The following U2SURP variants were observed in gnomAD, a reference collection of about 807,000 sequenced individuals.
The protein encoded by U2SURP is U2 snRNP associated SURP domain containing.
Under a neutral mutation model 144.9 loss-of-function variants are expected in U2SURP, and 9 were observed. The observed-to-expected ratio is 0.06, with a 90% confidence interval of 0.04 to 0.11. U2SURP has a LOEUF of 0.11. U2SURP is among the 10% of genes least tolerant of loss of function. U2SURP has a pLI of 1.00. For missense variants in U2SURP, 724 were observed against 1,226.7 expected (o/e 0.59, Z 6.12); for synonymous variants, 408 against 396.8 (o/e 1.03, Z -0.33).
intron 24 of U2SURP, among the ~76,000 whole-genome samples, chr3:143,049,252 T>A (rs1216687463): frequency 1.1e-5 from 1 of 93,728 alleles, no homozygotes; most frequent in Non-Finnish European, 2.0e-5. Flanking sequence ...GGCAACAGAG[T>A]AAGACTCCAT....
At chr3:143,012,796 A>G (rs1046868246) in intron 3 of U2SURP, among the ~76,000 whole-genome samples, 3 of 152,178 alleles carry the variant, frequency 2.0e-5, no homozygotes, top group African/African-American at 4.8e-5. Context: ...AGGGTAATAC[A>G]GGAACACAGA....
chr3:143,053,635 A>G (rs1488219254), intron 25 of U2SURP, 41 bp from the exon 26 acceptor site: 1 of 1,139,946 alleles, frequency 8.8e-7, no homozygotes, highest in African/African-American at 1.6e-5. Context: ...ACCCACATTG[A>G]TATTTTTAAA....
At chr3:143,013,727 T>G (rs946274498) in intron 3 of U2SURP, among the ~76,000 whole-genome samples, 2 of 152,110 alleles carry the variant, frequency 1.3e-5, no homozygotes, top group Non-Finnish European at 2.9e-5. Flanking sequence ...TATTTAAAAT[T>G]GATATAGTTT....
At chr3:143,011,525 T>C (rs1936120204) in intron 2 of U2SURP, among the ~76,000 whole-genome samples, 1 of 152,162 alleles carries the variant, frequency 6.6e-6, no homozygotes, top group Non-Finnish European at 1.5e-5. Context: ...CTAATGCAAG[T>C]GTAGCTGGAG....
At chr3:143,028,705 A>C in intron 16 of U2SURP, 59 bp downstream of exon 16, 1 of 1,410,414 alleles carries the variant, frequency 7.1e-7, no homozygotes, top group Non-Finnish European at 9.6e-7. Context: ...GGTTGCTTTA[A>C]TTAATGGTCT....
chr3:143,021,772 A>G (rs763818413), intron 10 of U2SURP, among the ~76,000 whole-genome samples: 11 of 152,182 alleles, frequency 7.2e-5, no homozygotes, highest in Non-Finnish European at 1.0e-4. Context: ...ATGTTTTACT[A>G]GGTGCTGATT....
intron 1 of U2SURP, among the ~76,000 whole-genome samples, chr3:143,007,434 C>T (rs1191194106): frequency 2.1e-5 from 3 of 140,958 alleles, no homozygotes; most frequent in Non-Finnish European, 4.6e-5. Flanking sequence ...CTTTTGGGTC[C>T]TTTCAAGAGA....
chr3:143,026,284 CAT>C (rs1175993277), intron 13 of U2SURP: 4 of 152,196 alleles, frequency 2.6e-5, no homozygotes, highest in South Asian at 2.1e-4. Flanking sequence ...AAATTACTCA[CAT>C]ATGTTTATTT....
rs1935192055 is a variant in U2SURP, at chr3:143,057,242, A to T, written c.*792A>T. The T allele has an allele frequency of 6.6e-6, 1 of 152,436 alleles. No individual in the cohort carries two copies. The highest frequency in any genetic ancestry group is 1.5e-5 in the Non-Finnish European group (1 of 67,876). The allele number at this position is 152,436 out of a possible 1,614,324, so 9.4% of individuals were successfully genotyped here. The stretch of plus-strand genomic sequence containing the variant: ...ATATCTTTTCATTTCCTCTTCTATT[A>T]TGAAAGAAGTTTATTTGTAAAACAA... On this transcript the variant is annotated 3_prime_UTR_variant, in exon 28 of 28. Transcript: ENST00000473835.
chr3:143,032,053 G>A (rs1360757691), intron 16 of U2SURP, among the ~76,000 whole-genome samples: 1 of 151,888 alleles, frequency 6.6e-6, no homozygotes, highest in Non-Finnish European at 1.5e-5. Context: ...GGCCTGCAAA[G>A]CCTAAAATAT....
chr3:143,027,377 C>A (rs1933214058), intron 14 of U2SURP, 124 bp downstream of exon 14: 1 of 679,602 alleles, frequency 1.5e-6, no homozygotes, highest in South Asian at 2.3e-5. Flanking sequence ...CACCACCATC[C>A]ATCTCCAGAA....
At chr3:143,056,290 A>ATT in intron 27 of U2SURP, 22 bp from the exon 28 acceptor site, 1 of 1,582,308 alleles carries the variant, frequency 6.3e-7, no homozygotes, top group Middle Eastern at 1.8e-4. Flanking sequence ...ATCAATTGGG[A>ATT]TTTTTTTGTT....
At chr3:143,023,584 T>C (rs2108285469) in intron 12 of U2SURP, among the ~76,000 whole-genome samples, 1 of 152,342 alleles carries the variant, frequency 6.6e-6, no homozygotes, top group South Asian at 2.1e-4. Flanking sequence ...GGTTCTATTA[T>C]GAATTAATTA....
chr3:143,038,386 A>G (rs898065171), intron 22 of U2SURP, among the ~76,000 whole-genome samples, 183 bp downstream of exon 22: 1 of 151,940 alleles, frequency 6.6e-6, no homozygotes, highest in Non-Finnish European at 1.5e-5. Context: ...CAATTTTCTT[A>G]GGTCCTTCAG....
chr3:143,006,933 A>C (rs537641684), intron 1 of U2SURP, among the ~76,000 whole-genome samples: 1 of 152,246 alleles, frequency 6.6e-6, no homozygotes, highest in Non-Finnish European at 1.5e-5. Flanking sequence ...TGGAGAGCTC[A>C]CTAGGCAGAA....
At chr3:143,010,884 C>G (rs765716931) in intron 2 of U2SURP, 25 bp downstream of exon 2, 2 of 1,580,720 alleles carry the variant, frequency 1.3e-6, no homozygotes, top group Non-Finnish European at 8.6e-7. Flanking sequence ...CAATCTTTGT[C>G]TTTTTTCCTT....
At chr3:143,037,941 A>G (rs1933899973) in intron 21 of U2SURP, among the ~76,000 whole-genome samples, 167 bp from the exon 22 acceptor site, 1 of 152,154 alleles carries the variant, frequency 6.6e-6, no homozygotes, top group African/African-American at 2.4e-5. Flanking sequence ...TATTGCCCTC[A>G]GATGCAGAGA....
At chr3:143,045,366 C>CAAAAA (rs11356372) in intron 24 of U2SURP, among the ~76,000 whole-genome samples, 1 of 75,420 alleles carries the variant, frequency 1.3e-5, no homozygotes, top group Non-Finnish European at 2.5e-5. Flanking sequence ...GAGACGCCGT[C>CAAAAA]AAAAAAAAAA....
rs1354923006 is a variant in U2SURP at position 143,057,265 on chromosome 3, CA to C, written c.*818del. The C allele has an allele frequency of 1.3e-5, 2 of 152,240 alleles. No individual in the cohort carries two copies. The highest frequency in any genetic ancestry group is 6.6e-5 in the Admixed American group (1 of 15,242). The allele number at this position is 152,240 out of a possible 1,614,324, so 9.4% of individuals were successfully genotyped here. A position where few individuals can be genotyped will look rare whatever the true frequency, so the allele number is the denominator to read the frequency against. On this transcript the variant is annotated 3_prime_UTR_variant, in exon 28 of 28. Transcript: ENST00000473835. The stretch of plus-strand genomic sequence containing the variant: ...TTATGAAAGAAGTTTATTTGTAAAA[CA>C]AATTTTCTAACAAGGTTTGGCCATA...
Sources: gnomAD v4.1 joint callset for allele counts (sites outside exome capture counted in the v4.1 genomes callset) on GRCh38, gnomAD v4.1.1 for gene constraint, MANE v1.5 for transcripts, NCBI Gene and HGNC (gene_info 2026-07-23, HGNC 2026-07-21) for gene names.